MCTP1: variants seen among roughly 807,000 people sequenced by gnomAD.
MCTP1 encodes the protein multiple C2 and transmembrane domain containing 1.
Under a neutral mutation model 120.6 loss-of-function variants are expected in MCTP1, and 69 were observed. The observed-to-expected ratio is 0.57, with a 90% confidence interval of 0.47 to 0.70. The LOEUF is 0.70. Among genes scored for constraint, MCTP1 ranks in the 30% least tolerant of loss-of-function variants. The probability of loss-of-function intolerance (pLI) is 0.00; values close to 1 mark genes in which losing one functional copy is unlikely to be tolerated. For missense variants in MCTP1, 1,203 were observed against 1,248.8 expected (o/e 0.96, Z 0.55); for synonymous variants, 529 against 493.1 (o/e 1.07, Z -0.96).
At chr5:95,093,521 T>C (rs1208976728) in intron 1 of MCTP1, among the ~76,000 whole-genome samples, 1 of 152,092 alleles carries the variant, frequency 6.6e-6, no homozygotes, top group Admixed American at 6.5e-5. Context: ...ATTACTGCAT[T>C]TGAGGAGTCT....
chr5:94,983,940 C>A (rs1447226222), intron 2 of MCTP1, among the ~76,000 whole-genome samples: 2 of 152,130 alleles, frequency 1.3e-5, no homozygotes, highest in Non-Finnish European at 2.9e-5. Context: ...TCTAACAATC[C>A]AGCAGTGCTC....
chr5:94,923,830 A>T, intron 7 of MCTP1, 132 bp downstream of exon 7: 1 of 556,594 alleles, frequency 1.8e-6, no homozygotes, highest in Non-Finnish European at 3.2e-6. Context: ...AGAAGATAAT[A>T]AAGAAGGCAA....
At chr5:95,094,944 T>C (rs1265837480) in intron 1 of MCTP1, among the ~76,000 whole-genome samples, 1 of 151,768 alleles carries the variant, frequency 6.6e-6, no homozygotes, top group African/African-American at 2.4e-5. Context: ...ATTTTTTGTT[T>C]TGCTTCCTAG....
At chr5:94,952,533 T>C (rs1820886985) in intron 3 of MCTP1, among the ~76,000 whole-genome samples, 3 of 151,970 alleles carry the variant, frequency 2.0e-5, no homozygotes, top group Non-Finnish European at 4.4e-5. Flanking sequence ...GCTGTTGTGG[T>C]AAAAGTAGAA....
chr5:95,017,413 G>C lies in MCTP1; in HGVS notation c.792C>G (p.Asp264Glu). 1 of 1,610,654 alleles carries C rather than the reference G, an allele frequency of 6.2e-7. No homozygotes were observed. Among genetic ancestry groups the C allele is most frequent in the Non-Finnish European group, 8.5e-7 (1 of 1,177,870 alleles). The change falls in exon 2 of 23, where the codon GAC becomes GAG. Residue 264 changes from aspartate to glutamate, a missense_variant. Coordinates refer to ENST00000515393, the MANE Select transcript of MCTP1 (RefSeq NM_024717.7). ...PLADPGMYQL[D>E]ITLRRGQSLA... ...AACTTTGACCCCTTCTTAATGTAATGTCCAGCTGGTACATTCCGGGATCAG... is the reference window on the plus strand; with the variant it reads ...AACTTTGACCCCTTCTTAATGTAATCTCCAGCTGGTACATTCCGGGATCAG...
intron 3 of MCTP1, among the ~76,000 whole-genome samples, chr5:94,943,248 G>A (rs1818161765): frequency 6.6e-6 from 1 of 152,082 alleles, no homozygotes; most frequent in South Asian, 2.1e-4. Context: ...CTCTGAGGAA[G>A]GATATTTGTG....
rs192268034 is a variant in MCTP1 at position 95,086,808 on chromosome 5, T to C, written c.721-69324A>G. ...AGATGGTGAAAATTTAAAAAGCCTATAGTTCTTAGGAATCCTAACAAATGG... is the reference window on the plus strand; with the variant it reads ...AGATGGTGAAAATTTAAAAAGCCTACAGTTCTTAGGAATCCTAACAAATGG... On this transcript the variant is annotated intron_variant, in intron 1 of 22. Coordinates refer to ENST00000515393, the MANE Select transcript of MCTP1 (RefSeq NM_024717.7). Among the ~76,000 whole-genome samples, 211 of 152,346 alleles carry C rather than the reference T, an allele frequency of 1.4e-3. 1 individual carries two copies. The highest frequency in any genetic ancestry group is 5.0e-3 in the African/African-American group (206 of 41,592).
intron 17 of MCTP1, among the ~76,000 whole-genome samples, chr5:94,853,153 A>G (rs1013084024): frequency 9.3e-5 from 14 of 151,164 alleles, no homozygotes; most frequent in African/African-American, 1.9e-4. Flanking sequence ...TACTTTTGGG[A>G]AAAAAAAATT....
At position 94,871,345 on chromosome 5, in the gene MCTP1, A is replaced by G. The variant is rs1349364217; in HGVS notation, c.2109T>C (p.Phe703=). 4 of 1,612,276 alleles carry G rather than the reference A, an allele frequency of 2.5e-6. No homozygotes were observed. The highest frequency in any genetic ancestry group is 1.1e-5 in the South Asian group (1 of 91,048). The stretch of plus-strand genomic sequence containing the variant: ...GCAATGGTATAGCAACTTTGCCCAG[A>G]AAGTCAGCACTTCGATCCCGATCTT... ...YDEDRDRSAD[F]LGKVAIPLLS... The change falls in exon 14 of 23, where the codon TTT becomes TTC. Residue 703 remains phenylalanine, a synonymous_variant. Transcript: ENST00000515393.
At chr5:95,118,305 T>G (rs1757969033) in intron 1 of MCTP1, among the ~76,000 whole-genome samples, 1 of 152,196 alleles carries the variant, frequency 6.6e-6, no homozygotes, top group Non-Finnish European at 1.5e-5. Flanking sequence ...ATGCAAGCAG[T>G]ATTAAGTTCT....
chr5:95,190,432 A>T (rs1562222669), intron 1 of MCTP1, among the ~76,000 whole-genome samples: 1 of 152,134 alleles, frequency 6.6e-6, no homozygotes, highest in Non-Finnish European at 1.5e-5. Flanking sequence ...ACTATCAAAA[A>T]CAATGCACCA....
chr5:95,041,506 C>A (rs1417637661), intron 1 of MCTP1, among the ~76,000 whole-genome samples: 3 of 151,976 alleles, frequency 2.0e-5, no homozygotes, highest in African/African-American at 4.8e-5. Flanking sequence ...AAACACACAT[C>A]GATCTAGAAC....
intron 2 of MCTP1, 94 bp from the exon 3 acceptor site, chr5:94,953,455 G>T (rs912678407): frequency 3.1e-5 from 31 of 1,010,340 alleles, no homozygotes; most frequent in Non-Finnish European, 4.0e-5. Context: ...TTTAAAGGAA[G>T]AAAAGTTAAA....
chr5:95,218,628 T>A (rs1170127894), intron 1 of MCTP1, among the ~76,000 whole-genome samples: 1 of 152,212 alleles, frequency 6.6e-6, no homozygotes, highest in African/African-American at 2.4e-5. Context: ...CCAGGTAACT[T>A]TATTTAGTTA....
At position 94,873,141 on chromosome 5, in the gene MCTP1, C is replaced by T. The variant is rs201808520; in HGVS notation, c.2034G>A (p.Thr678=). The stretch of plus-strand genomic sequence containing the variant: ...AGCCCAAAGAAATGCCTACTTACAA[C>T]GTGAAGACTTTATTCCACTCAGGAT... ...NLNPEWNKVF[T]FNIKDIHSVL... is the part of the protein sequence containing the mutation. The change falls in exon 13 of 23, where the codon ACG becomes ACA. Residue 678 remains threonine (T), a splice_region_variant and synonymous_variant. Transcript: ENST00000515393. 60 of 1,560,720 alleles carry T rather than the reference C, an allele frequency of 3.8e-5. No individual in the cohort carries two copies. Among genetic ancestry groups the T allele is most frequent in the East Asian group, 1.1e-4 (5 of 44,464 alleles).
At chr5:95,103,946 A>C (rs964519508) in intron 1 of MCTP1, among the ~76,000 whole-genome samples, 1 of 152,152 alleles carries the variant, frequency 6.6e-6, no homozygotes, top group Non-Finnish European at 1.5e-5. Context: ...ACTGAACAAA[A>C]TTATGACCCC....
intron 1 of MCTP1, among the ~76,000 whole-genome samples, chr5:95,182,325 T>C (rs1748690898): frequency 6.6e-6 from 1 of 152,020 alleles, no homozygotes; most frequent in Non-Finnish European, 1.5e-5. Context: ...GAAAAGAGCA[T>C]GATGATTTGA....
At chr5:95,078,584 C>T (rs1452007202) in intron 1 of MCTP1, among the ~76,000 whole-genome samples, 1 of 152,134 alleles carries the variant, frequency 6.6e-6, no homozygotes, top group Non-Finnish European at 1.5e-5. Flanking sequence ...ATGTTGCAGT[C>T]ATTAAAATGA....
At chr5:94,774,934 A>G (rs1464690022) in intron 19 of MCTP1, among the ~76,000 whole-genome samples, 1 of 152,096 alleles carries the variant, frequency 6.6e-6, no homozygotes. Flanking sequence ...ATCACTTCTC[A>G]TCCCCCTAAC....
Sources: gnomAD v4.1 joint callset for allele counts (sites outside exome capture counted in the v4.1 genomes callset) on GRCh38, gnomAD v4.1.1 for gene constraint, MANE v1.5 for transcripts, NCBI Gene and HGNC (gene_info 2026-07-23, HGNC 2026-07-21) for gene names.